The following CNTN6 variants were observed in gnomAD, a reference collection of about 807,000 sequenced individuals.
CNTN6 encodes contactin-6.
CNTN6 carries 137 observed loss-of-function variants against 122.8 expected under a neutral mutation model. The ratio of observed to expected loss-of-function variants is 1.12; its 90% CI spans 0.97 to 1.29. The LOEUF is 1.29. CNTN6 is among the 50% of genes most tolerant of loss of function. The pLI, the probability that CNTN6 is intolerant of heterozygous loss-of-function variation, is 0.00. For missense variants in CNTN6, 1,634 were observed against 1,223.4 expected, an observed-to-expected ratio of 1.34 and a Z score of -5.01; for synonymous variants, 570 against 426.0, an observed-to-expected ratio of 1.34 and a Z score of -4.16.
chr3:1,385,547 G>T, intron 19 of CNTN6, 64 bp from the exon 20 acceptor site: 6 of 1,317,760 alleles, frequency 4.6e-6, no homozygotes, highest in Non-Finnish European at 6.3e-6. Context: ...GATAGTTGTT[G>T]GTAAAAAATG....
chr3:1,341,363 G>A (rs569417392), intron 11 of CNTN6, among the ~76,000 whole-genome samples: 21 of 152,124 alleles, frequency 1.4e-4, no homozygotes, highest in Non-Finnish European at 1.9e-4. Context: ...ATGCTGCAGC[G>A]AATGGAGACA....
intron 2 of CNTN6, among the ~76,000 whole-genome samples, chr3:1,210,389 TGAAGGGAAGG>T (rs1188729122): frequency 8.1e-6 from 1 of 124,222 alleles, no homozygotes; most frequent in African/African-American, 3.2e-5. Context: ...AGAAGGGAAG[TGAAGGGAAGG>T]GAAGGAAAGG....
At position 1,158,950 on chromosome 3, in the gene CNTN6, A is replaced by ATG. The variant is rs1216206991; in HGVS notation, c.55+10888_55+10889insGT. On this transcript the variant is annotated intron_variant, in intron 2 of 22. Coordinates refer to ENST00000446702, the MANE Select transcript of CNTN6 (RefSeq NM_001289080.2). ...TATATATACACACACACATATATAT[A>ATG]TATACACACACACACACACATATAT... 2.4e-5 allele frequency among the ~76,000 whole-genome samples: 3 copies of ATG among 122,998 alleles called. 1 individual carries two copies. Among genetic ancestry groups the ATG allele is most frequent in the Non-Finnish European group, 4.9e-5 (3 of 60,936 alleles). The allele number at this position is 122,998 out of a possible 152,430, so 80.7% of individuals were successfully genotyped here. A position where few individuals can be genotyped will look rare whatever the true frequency, so the allele number is the denominator to read the frequency against.
intron 12 of CNTN6, among the ~76,000 whole-genome samples, chr3:1,363,963 G>A (rs954897966): frequency 6.6e-6 from 1 of 151,874 alleles, no homozygotes; most frequent in Non-Finnish European, 1.5e-5. Flanking sequence ...CAGGTGTGAT[G>A]TGACATCTCA....
intron 2 of CNTN6, among the ~76,000 whole-genome samples, chr3:1,177,518 G>A (rs935566236): frequency 3.9e-5 from 6 of 152,048 alleles, no homozygotes; most frequent in Non-Finnish European, 8.8e-5. Flanking sequence ...ATTCTATCTA[G>A]CATCACCTTT....
At chr3:1,253,772 C>T (rs1416747638) in intron 4 of CNTN6, among the ~76,000 whole-genome samples, 1 of 152,168 alleles carries the variant, frequency 6.6e-6, no homozygotes, top group East Asian at 1.9e-4. Context: ...AACACTCTCT[C>T]ACCTGCCACT....
Position 1,227,909 on chromosome 3 carries a change from G to C in CNTN6, c.274G>C (p.Asp92His), listed in dbSNP as rs756180094. 6.2e-7 allele frequency: 1 copy of C among 1,613,992 alleles called. No homozygotes were observed. The highest frequency in any genetic ancestry group is 8.5e-7 in the Non-Finnish European group (1 of 1,179,970). ...GSLAINSPHTDQDIGMYQCLA... is the reference protein window; with the variant it reads ...GSLAINSPHTHQDIGMYQCLA... ...TCTTGCAATCAATAGCCCCCACACA[G>C]ATCAAGATATTGGCATGTACCAGTG... Residue 92 changes from aspartate to histidine, a missense_variant, in exon 4 of 23, where the codon GAT (aspartate) becomes CAT (histidine). Coordinates refer to ENST00000446702, the MANE Select transcript of CNTN6 (RefSeq NM_001289080.2).
chr3:1,220,331 G>A (rs568068320), intron 2 of CNTN6, among the ~76,000 whole-genome samples: 7 of 152,224 alleles, frequency 4.6e-5, no homozygotes, highest in African/African-American at 1.7e-4. Flanking sequence ...GTGAGACACT[G>A]TCTCTACAAC....
intron 2 of CNTN6, among the ~76,000 whole-genome samples, chr3:1,172,969 C>T (rs1427030190): frequency 1.3e-5 from 2 of 152,154 alleles, no homozygotes; most frequent in African/African-American, 2.4e-5. Context: ...ACTGGAAGAT[C>T]TTTCTCCAGG....
intron 5 of CNTN6, among the ~76,000 whole-genome samples, chr3:1,294,873 A>G (rs747289242): frequency 1.3e-5 from 2 of 152,184 alleles, no homozygotes; most frequent in Non-Finnish European, 2.9e-5. Flanking sequence ...GGCAATTAGC[A>G]GTAACTGGTG....
At chr3:1,221,275 AT>A (rs1488018781) in intron 3 of CNTN6, among the ~76,000 whole-genome samples, 8 of 152,088 alleles carry the variant, frequency 5.3e-5, no homozygotes, top group Non-Finnish European at 8.8e-5. Context: ...AAAAAAAAAG[AT>A]TTGTTTCCTC....
At chr3:1,185,612 G>C (rs371483635) in intron 2 of CNTN6, among the ~76,000 whole-genome samples, 5 of 152,154 alleles carry the variant, frequency 3.3e-5, no homozygotes, top group African/African-American at 1.2e-4. Context: ...AAATGAGATA[G>C]TGCATGTAAT....
chr3:1,184,797 A>G (rs1386428247), intron 2 of CNTN6, among the ~76,000 whole-genome samples: 1 of 152,292 alleles, frequency 6.6e-6, no homozygotes, highest in South Asian at 2.1e-4. Flanking sequence ...CATTAAGTAC[A>G]TATTTGAATG....
intron 4 of CNTN6, among the ~76,000 whole-genome samples, chr3:1,249,501 G>GT (rs1214862506): frequency 6.6e-6 from 1 of 152,162 alleles, no homozygotes; most frequent in Non-Finnish European, 1.5e-5. Flanking sequence ...TTTTCAAACT[G>GT]TATTTCCTTG....
At chr3:1,304,110 T>G (rs1290762997) in intron 7 of CNTN6, among the ~76,000 whole-genome samples, 2 of 152,208 alleles carry the variant, frequency 1.3e-5, no homozygotes, top group African/African-American at 4.8e-5. Flanking sequence ...TATCTTTGTC[T>G]TCTCAGCTTA....
intron 1 of CNTN6, among the ~76,000 whole-genome samples, chr3:1,093,552 A>G (rs1318492031): frequency 6.8e-6 from 1 of 145,994 alleles, no homozygotes; most frequent in East Asian, 2.0e-4. Flanking sequence ...AATCAAAGGG[A>G]TGAGGGGTGG....
At chr3:1,139,383 C>A (rs1170063975) in intron 1 of CNTN6, among the ~76,000 whole-genome samples, 1 of 152,132 alleles carries the variant, frequency 6.6e-6, no homozygotes, top group Admixed American at 6.6e-5. Flanking sequence ...CTACTTGCTT[C>A]AGGAAATTCT....
intron 17 of CNTN6, among the ~76,000 whole-genome samples, chr3:1,379,882 G>A (rs993944619): frequency 6.6e-6 from 1 of 152,152 alleles, no homozygotes; most frequent in Non-Finnish European, 1.5e-5. Flanking sequence ...ACATTAGGAT[G>A]AATCTGAGCC....
chr3:1,111,352 T>C (rs994774344), intron 1 of CNTN6, among the ~76,000 whole-genome samples: 1 of 152,174 alleles, frequency 6.6e-6, no homozygotes, highest in Non-Finnish European at 1.5e-5. Flanking sequence ...TTTAGTACTT[T>C]AGGCTAACGT....
Sources: allele counts gnomAD v4.1 joint callset (sites outside exome capture counted in the v4.1 genomes callset), GRCh38; gene constraint gnomAD v4.1.1; transcripts MANE v1.5; gene names NCBI Gene and HGNC (gene_info 2026-07-23, HGNC 2026-07-21).